The following KIAA1328 variants were observed in gnomAD, a reference collection of about 807,000 sequenced individuals.
KIAA1328 encodes the protein KIAA1328.
Under a neutral mutation model 68.1 loss-of-function variants are expected in KIAA1328, and 52 were observed. That is an observed-to-expected ratio of 0.76 (90% confidence interval 0.61 to 0.96). KIAA1328 has a LOEUF of 0.96. KIAA1328 is among the 40% of genes least tolerant of loss of function. The probability of loss-of-function intolerance (pLI) is 0.00; values close to 1 mark genes in which losing one functional copy is unlikely to be tolerated. For missense variants in KIAA1328, 641 were observed against 677.6 expected (o/e 0.95, Z 0.60); for synonymous variants, 232 against 239.4 (o/e 0.97, Z 0.28).
intron 7 of KIAA1328, among the ~76,000 whole-genome samples, chr18:37,085,902 A>G (rs2057088789): frequency 6.6e-6 from 1 of 152,142 alleles, no homozygotes; most frequent in African/African-American, 2.4e-5. Context: ...CTATATCAAA[A>G]TATTTATAAG....
chr18:37,014,789 T>A (rs72890523), intron 6 of KIAA1328, among the ~76,000 whole-genome samples: 16,160 of 152,248 alleles, frequency 0.11, 1,088 homozygotes, highest in Non-Finnish European at 0.13. Flanking sequence ...GGAATTACAA[T>A]TCAATGTGAG....
chr18:36,865,995 G>A (rs2047737216), intron 4 of KIAA1328, among the ~76,000 whole-genome samples: 1 of 152,068 alleles, frequency 6.6e-6, no homozygotes, highest in African/African-American at 2.4e-5. Context: ...CTCTCTGCCT[G>A]GGCTCTGATG....
chr18:36,831,922 A>G (rs1386042669), intron 1 of KIAA1328, among the ~76,000 whole-genome samples: 1 of 152,176 alleles, frequency 6.6e-6, no homozygotes, highest in Non-Finnish European at 1.5e-5. Flanking sequence ...TGGATGGAAA[A>G]TATTTGAGAA....
intron 4 of KIAA1328, among the ~76,000 whole-genome samples, chr18:36,863,281 G>A (rs1473139423): frequency 6.6e-6 from 1 of 151,346 alleles, no homozygotes; most frequent in East Asian, 1.9e-4. Context: ...TTGATGTACA[G>A]TTATTCTAGC....
rs190810772 is a variant in KIAA1328, at chr18:36,945,823, T to C, written c.449-13485T>C. On this transcript the variant is annotated intron_variant, in intron 5 of 9. Transcript: ENST00000280020. Reference sequence around the variant, plus strand: ...AGAGGGTGTGGTTGTTTCCTTCTCATGGACTCTTCCCCCAGTATAAATTCT... The same window carrying C: ...AGAGGGTGTGGTTGTTTCCTTCTCACGGACTCTTCCCCCAGTATAAATTCT... Among the ~76,000 whole-genome samples the C allele has an allele frequency of 2.1e-3, 319 of 152,332 alleles. 4 individuals are homozygous for C. The highest frequency in any genetic ancestry group is 7.1e-3 in the African/African-American group (296 of 41,580).
chr18:37,058,906 T>G (rs1477596651), intron 6 of KIAA1328, among the ~76,000 whole-genome samples: 1 of 150,498 alleles, frequency 6.6e-6, no homozygotes. Context: ...CAAGTTGTGT[T>G]TTTTTTTTCT....
At chr18:36,836,172 T>C (rs2046668047) in intron 3 of KIAA1328, among the ~76,000 whole-genome samples, 1 of 152,206 alleles carries the variant, frequency 6.6e-6, no homozygotes, top group African/African-American at 2.4e-5. Flanking sequence ...CCTCATTTAT[T>C]ACTACAGGAT....
Position 37,222,150 on chromosome 18 carries a change from C to G in KIAA1328, c.1657C>G (p.Arg553Gly), listed in dbSNP as rs765275662. The G allele has an allele frequency of 8.7e-6, 14 of 1,609,172 alleles. No homozygotes were observed. Among genetic ancestry groups the G allele is most frequent in the Non-Finnish European group, 1.2e-5 (14 of 1,177,576 alleles). Residue 553 changes from arginine (R) to glycine (G), a missense_variant, in exon 10 of 10, where the codon CGG becomes GGG. Arg to Gly is a moderately radical substitution (Grantham distance 125). Transcript: ENST00000280020. The part of the protein sequence containing the change: ...TFRLSPLKST[R>G]KKMGMHRTPE... ...CCGACTCAGTCCTCTAAAATCAACC[C>G]GGAAGAAGATGGGGATGCACAGAAC...
chr18:37,025,733 G>C (rs1212414617), intron 6 of KIAA1328, among the ~76,000 whole-genome samples: 1 of 152,136 alleles, frequency 6.6e-6, no homozygotes, highest in Non-Finnish European at 1.5e-5. Context: ...AGTGTGTAGA[G>C]GGAAATTTAT....
intron 4 of KIAA1328, among the ~76,000 whole-genome samples, chr18:36,884,460 T>C (rs2048430068): frequency 6.6e-6 from 1 of 152,220 alleles, no homozygotes. Flanking sequence ...ACACAAATTA[T>C]TTCAAAGATA....
intron 6 of KIAA1328, among the ~76,000 whole-genome samples, chr18:36,968,030 A>G (rs775584787): frequency 9.2e-5 from 14 of 152,196 alleles, no homozygotes; most frequent in Admixed American, 2.0e-4. Flanking sequence ...TCAGGATATC[A>G]TTCATGAGAA....
intron 5 of KIAA1328, among the ~76,000 whole-genome samples, chr18:36,952,321 C>A (rs2051193085): frequency 6.6e-6 from 1 of 152,118 alleles, no homozygotes; most frequent in Admixed American, 6.6e-5. Flanking sequence ...TTTAAAATCT[C>A]CATTGTACTC....
chr18:36,863,551 A>G (rs1195204699), intron 4 of KIAA1328, among the ~76,000 whole-genome samples: 1 of 152,198 alleles, frequency 6.6e-6, no homozygotes, highest in African/African-American at 2.4e-5. Context: ...ATGTCTACAT[A>G]AAATTCTGCT....
chr18:37,148,903 C>T (rs775557954), intron 7 of KIAA1328, among the ~76,000 whole-genome samples: 21 of 151,920 alleles, frequency 1.4e-4, no homozygotes, highest in Non-Finnish European at 2.9e-5. Flanking sequence ...AAAAATTTTA[C>T]CCCACTATGT....
At chr18:36,924,335 TG>T (rs1295591134) in intron 5 of KIAA1328, among the ~76,000 whole-genome samples, 4 of 151,600 alleles carry the variant, frequency 2.6e-5, no homozygotes, top group African/African-American at 7.3e-5. Flanking sequence ...CAGATGAGAG[TG>T]GTGGTAAGGA....
At chr18:36,945,424 A>G (rs1440622082) in intron 5 of KIAA1328, among the ~76,000 whole-genome samples, 1 of 152,112 alleles carries the variant, frequency 6.6e-6, no homozygotes, top group African/African-American at 2.4e-5. Context: ...TTTTTCTCTG[A>G]GCAGTAATTT....
chr18:36,993,669 T>C (rs879460245), intron 6 of KIAA1328, among the ~76,000 whole-genome samples: 1 of 152,118 alleles, frequency 6.6e-6, no homozygotes, highest in Non-Finnish European at 1.5e-5. Flanking sequence ...CTATAAAAAC[T>C]TTAAAGGATG....
chr18:37,060,808 T>C (rs1342591810), intron 6 of KIAA1328, among the ~76,000 whole-genome samples: 9 of 152,166 alleles, frequency 5.9e-5, no homozygotes, highest in Non-Finnish European at 1.5e-5. Flanking sequence ...AATTGTGATA[T>C]ATTCATACAG....
intron 5 of KIAA1328, among the ~76,000 whole-genome samples, chr18:36,953,927 G>A (rs1452099277): frequency 1.3e-5 from 2 of 151,108 alleles, no homozygotes; most frequent in East Asian, 3.9e-4. Flanking sequence ...CTATGACACT[G>A]ACCTTCTGAA....
Sources: allele counts gnomAD v4.1 joint callset (sites outside exome capture counted in the v4.1 genomes callset), GRCh38; gene constraint gnomAD v4.1.1; transcripts MANE v1.5; gene names NCBI Gene and HGNC (gene_info 2026-07-23, HGNC 2026-07-21).